Variants in AGO2 observed in about 807,000 individuals in gnomAD.
AGO2 encodes protein argonaute-2.
In AGO2, 5 loss-of-function variants were observed where a neutral mutation model predicts 102.3. That is an observed-to-expected ratio of 0.05 (90% CI 0.03 to 0.10). AGO2 has a LOEUF of 0.10. Among genes scored for constraint, AGO2 ranks in the 10% least tolerant of loss-of-function variants. The pLI is 1.00. For missense variants in AGO2, 541 were observed against 1,183.7 expected (o/e 0.46, Z 7.97); for synonymous variants, 449 against 473.1 (o/e 0.95, Z 0.66).
upstream of AGO2, chr8:140,635,727 G>A (rs2074401195): frequency 6.8e-6 from 1 of 146,120 alleles, no homozygotes; most frequent in South Asian, 1.8e-4. Context: ...GGGGAGGGGA[G>A]GCGAGGCCGG....
intron 1 of AGO2, among the ~76,000 whole-genome samples, chr8:140,597,465 G>GCCCCCCCCCCCCCCCCCCCCCCCCC (rs1564108147): frequency 1.3e-5 from 1 of 79,290 alleles, no homozygotes; most frequent in African/African-American, 4.9e-5. Context: ...GGGGCTGGGT[G>GCCCCCCCCCCCCCCCCCCCCCCCCC]GCCCCCCCAC....
intron 1 of AGO2, among the ~76,000 whole-genome samples, chr8:140,607,554 G>A (rs941431058): frequency 6.9e-6 from 1 of 145,780 alleles, no homozygotes; most frequent in Non-Finnish European, 1.5e-5. Flanking sequence ...AAATGTCACT[G>A]ACGAATGGAT....
chr8:140,542,714 C>T (rs559526311), intron 14 of AGO2, among the ~76,000 whole-genome samples: 95 of 152,342 alleles, frequency 6.2e-4, no homozygotes, highest in South Asian at 1.2e-3. Flanking sequence ...CGCTGTGCTG[C>T]GGGCTTTCCC....
At chr8:140,608,635 C>T (rs1341791144) in intron 1 of AGO2, among the ~76,000 whole-genome samples, 1 of 152,214 alleles carries the variant, frequency 6.6e-6, no homozygotes, top group Non-Finnish European at 1.5e-5. Flanking sequence ...GCCACCTGGG[C>T]GGGCACCAGC....
intron 1 of AGO2, among the ~76,000 whole-genome samples, chr8:140,618,192 C>A (rs750656465): frequency 6.6e-6 from 1 of 152,036 alleles, no homozygotes; most frequent in Non-Finnish European, 1.5e-5. Flanking sequence ...CAGTGGTGGG[C>A]GCCTGTAATC....
chr8:140,545,820 T>G (rs892048141), intron 13 of AGO2, among the ~76,000 whole-genome samples: 1 of 152,160 alleles, frequency 6.6e-6, no homozygotes, highest in Non-Finnish European at 1.5e-5. Context: ...CACCAGCCCC[T>G]CTCGGCTTCA....
At chr8:140,565,760 T>C (rs6578115) in intron 3 of AGO2, among the ~76,000 whole-genome samples, 113,038 of 151,824 alleles carry the variant, frequency 0.74, 42,543 homozygotes, top group East Asian at 0.97. Flanking sequence ...AGACTATTAG[T>C]AGTAGTTTAC....
At chr8:140,603,734 A>G (rs1219725908) in intron 1 of AGO2, among the ~76,000 whole-genome samples, 1 of 152,194 alleles carries the variant, frequency 6.6e-6, no homozygotes, top group African/African-American at 2.4e-5. Flanking sequence ...GACTCCCTCA[A>G]GAGGGGCTTG....
At chr8:140,555,639 G>A (rs975599342) in intron 10 of AGO2, 2 of 463,000 alleles carry the variant, frequency 4.3e-6, no homozygotes, top group South Asian at 3.6e-5. Context: ...ACACAGAATG[G>A]TGCTCTCTAA....
chr8:140,538,161 C>G (rs1330729814), intron 16 of AGO2, among the ~76,000 whole-genome samples: 1 of 152,178 alleles, frequency 6.6e-6, no homozygotes, highest in East Asian at 1.9e-4. Flanking sequence ...ATCCTTTTTC[C>G]TCACTGTGAT....
the AGO2 span, among the ~76,000 whole-genome samples, chr8:140,641,656 T>A: frequency 1.8e-4 from 28 of 152,346 alleles, no homozygotes; most frequent in Non-Finnish European, 3.4e-4. Context: ...TGATCTTGGC[T>A]CACTGCAACC....
At position 140,542,588 on chromosome 8, in the gene AGO2, A is replaced by C. The variant is rs1452552481; in HGVS notation, c.1840-1230T>G. Among the ~76,000 whole-genome samples, 3 of 151,994 alleles carry C rather than the reference A, an allele frequency of 2.0e-5. No individual in the cohort carries two copies. In the East Asian group the frequency reaches 5.8e-4, roughly 29 times the overall value. On this transcript the variant is annotated intron_variant, in intron 14 of 18. Transcript: ENST00000220592. ...CTGAAAACTTGAAAAAAAAAAAAAAAACCAGCCTAAGGCTCCAAAAGCCCA... is the reference window on the plus strand; with the variant it reads ...CTGAAAACTTGAAAAAAAAAAAAAACACCAGCCTAAGGCTCCAAAAGCCCA...
At position 140,557,039 on chromosome 8, in the gene AGO2, G is replaced by A. The variant is rs751915530; in HGVS notation, c.1026+50C>T. 6.4e-7 allele frequency: 1 copy of A among 1,573,156 alleles called. No homozygotes were observed. The highest frequency in any genetic ancestry group is 1.8e-5 in the Admixed American group (1 of 55,608). ...CTCGAAGCTGCATGCCCCAGCCTGG[G>A]ACGCCGCCCTCCCAAGCCCCCAGAG... is the stretch of plus-strand genomic sequence containing the variant. On this transcript the variant is annotated intron_variant, in intron 8 of 18. Coordinates refer to ENST00000220592, the MANE Select transcript of AGO2 (RefSeq NM_012154.5). The surrounding 1 kb of genome is among the most constrained non-coding windows in gnomAD (Gnocchi z 5.9).
chr8:140,541,125 C>A (rs879554870), intron 15 of AGO2, 39 bp downstream of exon 15: 13 of 1,505,390 alleles, frequency 8.6e-6, no homozygotes, highest in Non-Finnish European at 1.1e-5. Flanking sequence ...GAATTACAGA[C>A]CCCAGAGAAG....
At chr8:140,622,318 G>C (rs113258641) in intron 1 of AGO2, among the ~76,000 whole-genome samples, 3,294 of 104,106 alleles carry the variant, frequency 0.032, 143 homozygotes, top group African/African-American at 0.12. Flanking sequence ...GGGGAATAAT[G>C]CACATGGGGT....
At chr8:140,544,372 CCAT>C in intron 13 of AGO2, 69 bp from the exon 14 acceptor site, 1 of 1,345,488 alleles carries the variant, frequency 7.4e-7, no homozygotes, top group Non-Finnish European at 1.0e-6. Flanking sequence ...GTAGGTGCCA[CCAT>C]CACCTTTTGG....
chr8:140,634,353 C>T (rs2074375700), intron 1 of AGO2, among the ~76,000 whole-genome samples: 1 of 152,270 alleles, frequency 6.6e-6, no homozygotes, highest in Admixed American at 6.5e-5. Flanking sequence ...ACGAGGGCAG[C>T]ATCGGGAATG....
At chr8:140,632,755 C>T (rs1238120418) in intron 1 of AGO2, among the ~76,000 whole-genome samples, 1 of 152,228 alleles carries the variant, frequency 6.6e-6, no homozygotes, top group Non-Finnish European at 1.5e-5. Context: ...ACATTTCTAA[C>T]TTCAGATTCT....
Position 140,589,826 on chromosome 8 carries a change from T to C in AGO2, c.23-4515A>G, listed in dbSNP as rs916486335. Among the ~76,000 whole-genome samples, 6 of 150,892 alleles carry C rather than the reference T, an allele frequency of 4.0e-5. No homozygotes were observed. Among genetic ancestry groups the C allele is most frequent in the Non-Finnish European group, 7.4e-5 (5 of 67,878 alleles). ...CGAGCCGCAGAACAGGACGGAGTGA[T>C]GGCTCAGTGAGTACAGACCAGAGAG... On this transcript the variant is annotated intron_variant, in intron 1 of 18. Coordinates refer to ENST00000220592, the MANE Select transcript of AGO2 (RefSeq NM_012154.5). This position sits in a 1 kb window ranked among gnomAD's most constrained non-coding sequence, Gnocchi z 4.2.
Sources: gnomAD v4.1 joint callset for allele counts (sites outside exome capture counted in the v4.1 genomes callset) on GRCh38, gnomAD v4.1.1 for gene constraint, Gnocchi (gnomAD v3.1) non-coding constraint, MANE v1.5 for transcripts, NCBI Gene and HGNC (gene_info 2026-07-23, HGNC 2026-07-21) for gene names.